EFCAB13: variants seen among roughly 807,000 people sequenced by gnomAD.
EFCAB13 encodes the protein EF-hand calcium binding domain 13.
EFCAB13 carries 91 observed loss-of-function variants against 110.2 expected under a neutral mutation model. That is an observed-to-expected ratio of 0.83 (90% CI 0.70 to 0.98). The LOEUF is 0.98. EFCAB13 is among the 50% of genes least tolerant of loss of function. The probability of loss-of-function intolerance (pLI) is 0.00; values close to 1 mark genes in which losing one functional copy is unlikely to be tolerated. For synonymous variants in EFCAB13, 323 were observed against 369.9 expected (o/e 0.87, Z 1.45); for missense variants, 968 against 1,119.4 (o/e 0.86, Z 1.93).
In EFCAB13 at chr17:47,344,260, A is replaced by G; in HGVS notation, c.402A>G (p.Ser134=). The G allele has an allele frequency of 1.1e-5, 17 of 1,612,778 alleles. No homozygotes were observed. The highest frequency in any genetic ancestry group is 2.2e-5 in the South Asian group (2 of 90,958). The change falls in exon 7 of 25, where the codon TCA becomes TCG. Residue 134 remains serine (S), a synonymous_variant. Coordinates refer to ENST00000331493, the MANE Select transcript of EFCAB13 (RefSeq NM_152347.5). The part of the protein sequence containing the change: ...LPNQYSVHKT[S]SPLCTSSAIT... ...ATCAGTACAGCGTTCACAAGACTTC[A>G]TCACCTCTTTGTACATCTTCTGCAA...
At chr17:47,423,155 C>G (rs1487013607) in intron 23 of EFCAB13, among the ~76,000 whole-genome samples, 1 of 152,030 alleles carries the variant, frequency 6.6e-6, no homozygotes, top group Admixed American at 6.5e-5. Flanking sequence ...ATTACCAGGA[C>G]AAATAGCAGA....
At chr17:47,336,364 T>C (rs1032253884) in intron 5 of EFCAB13, among the ~76,000 whole-genome samples, 5 of 151,406 alleles carry the variant, frequency 3.3e-5, no homozygotes, top group Admixed American at 6.6e-5. Flanking sequence ...CGATCTTGGC[T>C]CACTGCAAGC....
At chr17:47,422,489 A>G (rs984096891) in intron 23 of EFCAB13, among the ~76,000 whole-genome samples, 7 of 152,210 alleles carry the variant, frequency 4.6e-5, no homozygotes, top group African/African-American at 1.4e-4. Context: ...AAAAATATGA[A>G]TCTATACACT....
chr17:47,387,685 G>A (rs548344508), intron 14 of EFCAB13, among the ~76,000 whole-genome samples: 1 of 152,268 alleles, frequency 6.6e-6, no homozygotes, highest in African/African-American at 2.4e-5. Flanking sequence ...CTGTCCATCT[G>A]AGGAGGTCAT....
intron 11 of EFCAB13, among the ~76,000 whole-genome samples, chr17:47,372,200 C>T (rs529182130): frequency 4.0e-5 from 6 of 151,860 alleles, no homozygotes; most frequent in Non-Finnish European, 8.8e-5. Context: ...ACTGATTTTT[C>T]TCTGTTGATT....
chr17:47,392,237 T>C (rs2065712113), intron 15 of EFCAB13, among the ~76,000 whole-genome samples: 1 of 152,200 alleles, frequency 6.6e-6, no homozygotes, highest in Admixed American at 6.5e-5. Flanking sequence ...AATAAGACTA[T>C]GTGAAGACAT....
intron 5 of EFCAB13, among the ~76,000 whole-genome samples, chr17:47,340,984 A>G (rs2065381200): frequency 6.6e-6 from 1 of 151,936 alleles, no homozygotes; most frequent in Non-Finnish European, 1.5e-5. Context: ...CCAATTGGAC[A>G]TTATGTGCTT....
chr17:47,342,067 C>T, intron 6 of EFCAB13, 35 bp downstream of exon 6: 1 of 1,252,546 alleles, frequency 8.0e-7, no homozygotes, highest in Non-Finnish European at 1.1e-6. Flanking sequence ...CTTTTACCTT[C>T]AAATATTTTC....
chr17:47,364,373 G>A (rs1261055904), intron 10 of EFCAB13, among the ~76,000 whole-genome samples: 1 of 152,058 alleles, frequency 6.6e-6, no homozygotes, highest in Non-Finnish European at 1.5e-5. Context: ...TAGTGCAGTG[G>A]TGTGATCTCG....
intron 12 of EFCAB13, among the ~76,000 whole-genome samples, chr17:47,377,102 C>A (rs752675459): frequency 1.1e-4 from 17 of 152,002 alleles, no homozygotes; most frequent in Non-Finnish European, 2.1e-4. Flanking sequence ...TACATTTTTG[C>A]TTGGAATTCT....
chr17:47,430,184 C>T, intron 24 of EFCAB13: 1 of 1,143,984 alleles, frequency 8.7e-7, no homozygotes, highest in South Asian at 4.0e-5. Context: ...AGTCCACTGA[C>T]AGTACCTAGG....
At chr17:47,385,118 C>T (rs2065669308) in intron 14 of EFCAB13, among the ~76,000 whole-genome samples, 1 of 152,122 alleles carries the variant, frequency 6.6e-6, no homozygotes, top group Non-Finnish European at 1.5e-5. Context: ...TGATTTTGTG[C>T]CTTAGGGTTG....
rs540518618 is a variant in EFCAB13, at chr17:47,413,428, A to G, written c.2422+512A>G. On this transcript the variant is annotated intron_variant, in intron 22 of 24. Coordinates refer to ENST00000331493, the MANE Select transcript of EFCAB13 (RefSeq NM_152347.5). ...TTGATCTCCTTTCCTATACACATTTACTTTTAGGAAGTCAAATCATTTGAG... is the reference window on the plus strand; with the variant it reads ...TTGATCTCCTTTCCTATACACATTTGCTTTTAGGAAGTCAAATCATTTGAG... Among the ~76,000 whole-genome samples the G allele has an allele frequency of 9.2e-5, 14 of 152,288 alleles. No homozygotes were observed. The South Asian group carries it at 1.9e-3, about 20-fold the overall frequency.
At chr17:47,328,923 A>G (rs1010693098) in intron 4 of EFCAB13, 1 of 152,256 alleles carries the variant, frequency 6.6e-6, no homozygotes, top group Non-Finnish European at 1.5e-5. Context: ...GACTATTGAA[A>G]TTGGAAGAGG....
chr17:47,417,431 A>G (rs980152711), intron 23 of EFCAB13, among the ~76,000 whole-genome samples: 18 of 152,208 alleles, frequency 1.2e-4, no homozygotes, highest in Admixed American at 3.3e-4. Context: ...TTCAGTGTCC[A>G]TATCATTGAA....
intron 9 of EFCAB13, among the ~76,000 whole-genome samples, chr17:47,361,015 G>T (rs2065509644): frequency 6.6e-6 from 1 of 152,042 alleles, no homozygotes; most frequent in South Asian, 2.1e-4. Flanking sequence ...ATTTATTTTA[G>T]TTAAATTGTT....
At chr17:47,330,682 C>G (rs1028418948) in intron 4 of EFCAB13, among the ~76,000 whole-genome samples, 12 of 151,982 alleles carry the variant, frequency 7.9e-5, no homozygotes, top group African/African-American at 2.9e-4. Context: ...ACCACATTTT[C>G]TTTAACCTCT....
chr17:47,371,062 G>GTTTTTTTTTTTTT (rs779767798), intron 11 of EFCAB13, among the ~76,000 whole-genome samples: 2 of 108,992 alleles, frequency 1.8e-5, no homozygotes. Flanking sequence ...TTTAATGGTT[G>GTTTTTTTTTTTTT]TTTTTTTTTT....
chr17:47,350,676 T>C (rs928889570), intron 9 of EFCAB13, among the ~76,000 whole-genome samples: 2 of 152,056 alleles, frequency 1.3e-5, no homozygotes, highest in African/African-American at 4.8e-5. Context: ...TTGCCAGGAG[T>C]CTTGTTTGTA....
Sources: gnomAD v4.1 joint callset for allele counts (sites outside exome capture counted in the v4.1 genomes callset) on GRCh38, gnomAD v4.1.1 for gene constraint, MANE v1.5 for transcripts, NCBI Gene and HGNC (gene_info 2026-07-23, HGNC 2026-07-21) for gene names.